Variants in HSD11B1 observed in about 807,000 individuals in gnomAD.
HSD11B1 encodes hydroxysteroid 11-beta dehydrogenase 1.
A neutral mutation model predicts 22.1 loss-of-function variants in HSD11B1; 15 were observed. That is an observed-to-expected ratio of 0.68 (90% CI 0.45 to 1.04). The LOEUF is 1.04. HSD11B1 is among the 50% of genes least tolerant of loss of function. The probability of loss-of-function intolerance (pLI) is 0.00; values close to 1 mark genes in which losing one functional copy is unlikely to be tolerated. For missense variants in HSD11B1, 281 were observed against 357.6 expected (o/e 0.79, Z 1.73); for synonymous variants, 122 against 125.2 (o/e 0.97, Z 0.17).
upstream of HSD11B1, among the ~76,000 whole-genome samples, chr1:209,704,305 T>C (rs2076842795): frequency 6.6e-6 from 1 of 152,210 alleles, no homozygotes; most frequent in South Asian, 2.1e-4. Context: ...AATTTCTCCT[T>C]TGATGTTGTA....
chr1:209,709,139 C>G (rs991242889), intron 4 of HSD11B1, among the ~76,000 whole-genome samples: 1 of 152,152 alleles, frequency 6.6e-6, no homozygotes, highest in Non-Finnish European at 1.5e-5. Flanking sequence ...TAAGGTCAGC[C>G]AAACAGTACT....
intron 1 of HSD11B1, among the ~76,000 whole-genome samples, chr1:209,692,616 G>GGGT (rs2076768187): frequency 2.7e-5 from 3 of 110,436 alleles, no homozygotes; most frequent in South Asian, 3.6e-4. Context: ...GCGGGGGGGG[G>GGGT]GGTGGGGGCT....
Position 209,705,014 on chromosome 1 carries a change from C to T in HSD11B1, c.72C>T (p.Asn24=), listed in dbSNP as rs763481129. 79 of 1,613,278 alleles carry T rather than the reference C, an allele frequency of 4.9e-5. No homozygotes were observed. Among genetic ancestry groups the T allele is most frequent in the South Asian group, 2.2e-4 (20 of 91,078 alleles). ...LFMAYYYYSA[N]EEFRPEMLQG... is the part of the protein sequence containing the mutation. ...TGGCCTACTACTACTATTCTGCAAA[C>T]GAGGAATTCAGACCAGGTAAGTACC... Residue 24 remains asparagine (N), a synonymous_variant, in exon 1 of 6, where the codon AAC becomes AAT. Coordinates refer to ENST00000367027, the MANE Select transcript of HSD11B1 (RefSeq NM_005525.4).
rs988076432 is a variant in HSD11B1, at chr1:209,697,884, CT to C, written c.-48-6981del. 3.2e-3 allele frequency among the ~76,000 whole-genome samples: 135 copies of C among 41,574 alleles called. 1 individual carries two copies. Among genetic ancestry groups the C allele is most frequent in the African/African-American group, 9.7e-3 (121 of 12,534 alleles). The allele number at this position is 41,574 out of a possible 152,430, so 27.3% of individuals were successfully genotyped here. On this transcript the variant is annotated intron_variant, in intron 1 of 6. Transcript: ENST00000261465. ...GAATGATTAATGGTTTTGTTTTTTC[CT>C]TTTTTTTTTTTTTTTTTTTTTTTTT...
At chr1:209,726,276 TAAAAAAAAAA>T (rs60207937) in intron 4 of HSD11B1, among the ~76,000 whole-genome samples, 1 of 81,944 alleles carries the variant, frequency 1.2e-5, no homozygotes, top group African/African-American at 5.1e-5. Context: ...TGAGACTCCG[TAAAAAAAAAA>T]AAAAAAAAAA....
chr1:209,700,850 C>A (rs1044299454), upstream of HSD11B1, among the ~76,000 whole-genome samples: 1 of 152,198 alleles, frequency 6.6e-6, no homozygotes, highest in Non-Finnish European at 1.5e-5. Flanking sequence ...ATCTCTAGGG[C>A]AGGGGCAAAT....
rs148662659 is a variant in HSD11B1 at position 209,710,057 on chromosome 1, G to A, written c.517+2929G>A. Among the ~76,000 whole-genome samples, 615 of 152,044 alleles carry A rather than the reference G, an allele frequency of 4.0e-3. 5 individuals are homozygous for A. The highest frequency in any genetic ancestry group is 0.014 in the African/African-American group (588 of 41,466). On this transcript the variant is annotated intron_variant, in intron 4 of 5. Transcript: ENST00000367027. The stretch of plus-strand genomic sequence containing the variant: ...CGGCAGTGCGTGCAGGGGACAGTGG[G>A]GTAGGAGAAAGAATGGAAAGAGAAT...
At chr1:209,714,144 C>T (rs919051058) in intron 4 of HSD11B1, among the ~76,000 whole-genome samples, 9 of 152,220 alleles carry the variant, frequency 5.9e-5, no homozygotes, top group African/African-American at 2.2e-4. Context: ...GTTGTGCACC[C>T]ACATTCTAGT....
At chr1:209,703,240 T>G (rs943069013), upstream of HSD11B1, among the ~76,000 whole-genome samples, 4 of 152,210 alleles carry the variant, frequency 2.6e-5, no homozygotes, top group Non-Finnish European at 5.9e-5. Context: ...CATCATCATA[T>G]TTCCAAATAA....
At chr1:209,728,693 G>T (rs2077018036) in intron 4 of HSD11B1, among the ~76,000 whole-genome samples, 1 of 152,140 alleles carries the variant, frequency 6.6e-6, no homozygotes, top group South Asian at 2.1e-4. Flanking sequence ...TCCATGTGTG[G>T]CTTCATCCTC....
At chr1:209,711,455 A>C (rs1345265424) in intron 4 of HSD11B1, among the ~76,000 whole-genome samples, 1 of 152,168 alleles carries the variant, frequency 6.6e-6, no homozygotes, top group African/African-American at 2.4e-5. Flanking sequence ...TTTACCCTTA[A>C]ATCCAATTAC....
chr1:209,700,623 T>C (rs528571034), upstream of HSD11B1, among the ~76,000 whole-genome samples: 7 of 152,374 alleles, frequency 4.6e-5, no homozygotes, highest in South Asian at 4.1e-4. Context: ...TTGCTACGTA[T>C]GCAAATTTCA....
At chr1:209,725,092 C>T (rs1224972798) in intron 4 of HSD11B1, among the ~76,000 whole-genome samples, 2 of 152,140 alleles carry the variant, frequency 1.3e-5, no homozygotes, top group East Asian at 3.8e-4. Flanking sequence ...TATGAACTTT[C>T]CAATATTTTA....
At chr1:209,719,350 A>T (rs2076950471) in intron 4 of HSD11B1, among the ~76,000 whole-genome samples, 1 of 152,214 alleles carries the variant, frequency 6.6e-6, no homozygotes, top group Non-Finnish European at 1.5e-5. Flanking sequence ...AAACTGTATG[A>T]TTCCACTTAC....
intron 1 of HSD11B1, among the ~76,000 whole-genome samples, chr1:209,694,087 C>T (rs1164129518): frequency 6.6e-6 from 1 of 152,174 alleles, no homozygotes; most frequent in African/African-American, 2.4e-5. Context: ...AGATTTCCCT[C>T]TTAGCCTTCA....
upstream of HSD11B1, among the ~76,000 whole-genome samples, chr1:209,703,587 T>C (rs2076837653): frequency 6.6e-6 from 1 of 152,188 alleles, no homozygotes; most frequent in African/African-American, 2.4e-5. Flanking sequence ...TTGTTTCATC[T>C]CCTCTGGGTC....
Position 209,734,340 on chromosome 1 carries a change from T to A in HSD11B1, c.698T>A (p.Met233Lys). The A allele has an allele frequency of 6.2e-7, 1 of 1,614,124 alleles. No homozygotes were observed. Among genetic ancestry groups the A allele is most frequent in the Non-Finnish European group, 8.5e-7 (1 of 1,180,008 alleles). Residue 233 changes from methionine (M) to lysine (K), a missense_variant, in exon 6 of 6, where the codon ATG becomes AAG. Transcript: ENST00000367027. ...AMKAVSGIVH[M>K]QAAPKEECAL... ...AAGGCAGTTTCTGGGATAGTCCATA[T>A]GCAAGCAGCTCCAAAGGAGGAATGT... is the stretch of plus-strand genomic sequence containing the variant.
intron 4 of HSD11B1, among the ~76,000 whole-genome samples, chr1:209,716,810 G>C (rs1305287385): frequency 1.3e-5 from 2 of 152,136 alleles, no homozygotes; most frequent in East Asian, 3.8e-4. Context: ...ATTGGGGAAA[G>C]GACAGTCTCT....
chr1:209,715,507 A>T (rs1386386313), intron 4 of HSD11B1, among the ~76,000 whole-genome samples: 3 of 152,126 alleles, frequency 2.0e-5, no homozygotes, highest in African/African-American at 4.8e-5. Flanking sequence ...AAGCCTGAAA[A>T]TCTTGTTCTG....
Sources: allele counts gnomAD v4.1 joint callset (sites outside exome capture counted in the v4.1 genomes callset), GRCh38; gene constraint gnomAD v4.1.1; transcripts MANE v1.5; gene names NCBI Gene and HGNC (gene_info 2026-07-23, HGNC 2026-07-21).